The following PRKAG2 variants were observed in gnomAD, a reference collection of about 807,000 sequenced individuals.
PRKAG2 encodes protein kinase AMP-activated non-catalytic subunit gamma 2, also known as 5'-AMP-activated protein kinase subunit gamma-2.
PRKAG2 carries 26 observed loss-of-function variants against 69.6 expected under a neutral mutation model. The observed-to-expected ratio is 0.37, with a 90% confidence interval of 0.27 to 0.52. The LOEUF (loss-of-function observed/expected upper bound fraction) is 0.52. Among genes scored for constraint, PRKAG2 ranks in the 20% least tolerant of loss-of-function variants. PRKAG2 has a pLI of 0.90. For synonymous variants in PRKAG2, 293 were observed against 285.0 expected (o/e 1.03, Z -0.28); for missense variants, 557 against 740.0 (o/e 0.75, Z 2.87).
chr7:151,830,381 C>T (rs192002640), intron 1 of PRKAG2, among the ~76,000 whole-genome samples: 12 of 152,000 alleles, frequency 7.9e-5, no homozygotes, highest in East Asian at 5.8e-4. Flanking sequence ...CTCTCCAGGG[C>T]GCCCTGAGAT....
intron 1 of PRKAG2, among the ~76,000 whole-genome samples, chr7:151,852,581 G>A (rs2079598234): frequency 6.6e-6 from 1 of 151,956 alleles, no homozygotes; most frequent in South Asian, 2.1e-4. Flanking sequence ...ACCTGTAGGG[G>A]GGCATGTGGT....
Position 151,681,245 on chromosome 7 carries a change from T to A in PRKAG2, c.467-5608A>T, listed in dbSNP as rs149873500. Among the ~76,000 whole-genome samples, 470 of 152,228 alleles carry A rather than the reference T, an allele frequency of 3.1e-3. 2 individuals carry two copies. The highest frequency in any genetic ancestry group is 0.01 in the African/African-American group (430 of 41,528). Reference sequence around the variant, plus strand: ...AGAAGGTGGACTGTTCATTTGGGGGTGGGAACACCTCATTTCTGGTGGGGC... The same window carrying A: ...AGAAGGTGGACTGTTCATTTGGGGGAGGGAACACCTCATTTCTGGTGGGGC... On this transcript the variant is annotated intron_variant, in intron 3 of 15. Transcript: ENST00000287878.
intron 3 of PRKAG2, chr7:151,736,345 T>C: frequency 9.1e-7 from 1 of 1,095,654 alleles, no homozygotes; most frequent in Non-Finnish European, 1.1e-6. Flanking sequence ...GATTTGTTGA[T>C]GTAGTTAAGG....
intron 3 of PRKAG2, among the ~76,000 whole-genome samples, chr7:151,689,213 C>A (rs1177049026): frequency 6.6e-6 from 1 of 152,230 alleles, no homozygotes; most frequent in African/African-American, 2.4e-5. Flanking sequence ...TAGCTCACTG[C>A]TCATGAACAG....
At chr7:151,592,341 A>C (rs1357442002) in intron 6 of PRKAG2, among the ~76,000 whole-genome samples, 1 of 152,232 alleles carries the variant, frequency 6.6e-6, no homozygotes, top group African/African-American at 2.4e-5. Context: ...TGAGATGGCC[A>C]GGACATATCT....
chr7:151,830,451 G>A (rs1750069154), intron 1 of PRKAG2, among the ~76,000 whole-genome samples: 1 of 151,968 alleles, frequency 6.6e-6, no homozygotes, highest in Admixed American at 6.6e-5. Context: ...CCCGGGGTCT[G>A]AGCAGGCTGC....
In PRKAG2 at chr7:151,719,894, C is replaced by T. The variant is rs562528517; in HGVS notation, c.467-44257G>A. Among the ~76,000 whole-genome samples, 1 of 152,292 alleles carries T rather than the reference C, an allele frequency of 6.6e-6. No homozygotes were observed. Among genetic ancestry groups the T allele is most frequent in the East Asian group, 1.9e-4 (1 of 5,182 alleles). On this transcript the variant is annotated intron_variant, in intron 3 of 15. Transcript: ENST00000287878. The surrounding 1 kb of genome is among the most constrained non-coding windows in gnomAD (Gnocchi z 5.2). The stretch of plus-strand genomic sequence containing the variant: ...AGGTAGTTCTGTTATTTCACTGAGG[C>T]CGCCACATTCAATCTGCACCTTCCC...
chr7:151,831,210 T>C (rs2079019351), intron 1 of PRKAG2, among the ~76,000 whole-genome samples: 1 of 152,162 alleles, frequency 6.6e-6, no homozygotes, highest in Admixed American at 6.5e-5. Context: ...AAAGTCACAA[T>C]ATGACCCAGC....
intron 3 of PRKAG2, among the ~76,000 whole-genome samples, chr7:151,759,213 G>A (rs1345453038): frequency 6.6e-6 from 1 of 152,120 alleles, no homozygotes; most frequent in African/African-American, 2.4e-5. Flanking sequence ...TTTGCATCGT[G>A]GGCCCCTCCG....
At chr7:151,570,130 A>G in intron 10 of PRKAG2, 41 bp downstream of exon 10, 1 of 1,578,874 alleles carries the variant, frequency 6.3e-7, no homozygotes, top group East Asian at 2.3e-5. Context: ...AAACACATAC[A>G]TCTGAATGAA....
intron 6 of PRKAG2, among the ~76,000 whole-genome samples, chr7:151,591,876 C>T (rs1165693791): frequency 1.3e-5 from 2 of 152,122 alleles, no homozygotes; most frequent in Non-Finnish European, 2.9e-5. Flanking sequence ...ATGACTCTCC[C>T]GCTGGGAAAC....
Position 151,609,304 on chromosome 7 carries a change from TTA to T in PRKAG2, c.755-13852_755-13851del, listed in dbSNP as rs200695677. Among the ~76,000 whole-genome samples, 744 of 150,672 alleles carry T rather than the reference TTA, an allele frequency of 4.9e-3. 3 individuals carry two copies. Among genetic ancestry groups the T allele is most frequent in the African/African-American group, 0.018 (708 of 40,406 alleles). On this transcript the variant is annotated intron_variant, in intron 5 of 15. Coordinates refer to ENST00000287878, the MANE Select transcript of PRKAG2 (RefSeq NM_016203.4). ...CACAGAATTTTAATTTAGAAAGAAT[TTA>T]TATAAAAAAAATGTGTTGTAAGACG... is the stretch of plus-strand genomic sequence containing the variant.
At chr7:151,776,396 G>C (rs1043201394) in intron 3 of PRKAG2, among the ~76,000 whole-genome samples, 12 of 147,312 alleles carry the variant, frequency 8.1e-5, no homozygotes, top group Admixed American at 7.0e-4. Flanking sequence ...AGCCAGAAGA[G>C]TGAACCTGGG....
intron 1 of PRKAG2, among the ~76,000 whole-genome samples, chr7:151,818,205 A>C (rs1311139466): frequency 6.6e-6 from 1 of 152,232 alleles, no homozygotes; most frequent in East Asian, 1.9e-4. Context: ...TGTGACAGGA[A>C]AATCTCAAAT....
At chr7:151,692,084 A>G (rs562103924) in intron 3 of PRKAG2, among the ~76,000 whole-genome samples, 1 of 152,244 alleles carries the variant, frequency 6.6e-6, no homozygotes, top group East Asian at 1.9e-4. Context: ...GCTGCTTGGG[A>G]GGCTGAGGTG....
chr7:151,812,577 C>T (rs964527856), intron 1 of PRKAG2, among the ~76,000 whole-genome samples: 1 of 152,196 alleles, frequency 6.6e-6, no homozygotes, highest in African/African-American at 2.4e-5. Flanking sequence ...ATGCCTGGGA[C>T]ACAGGACTCA....
chr7:151,686,725 T>C (rs891734831), intron 3 of PRKAG2, among the ~76,000 whole-genome samples: 16 of 152,208 alleles, frequency 1.1e-4, no homozygotes, highest in Non-Finnish European at 2.4e-4. Context: ...GGCCCCTTTA[T>C]AGCTGAATGG....
intron 4 of PRKAG2, among the ~76,000 whole-genome samples, chr7:151,663,415 C>T (rs1225595186): frequency 2.0e-5 from 3 of 152,198 alleles, no homozygotes; most frequent in Non-Finnish European, 2.9e-5. Flanking sequence ...TCAGTCCTCT[C>T]GCCCAGGCAA....
rs879468229 is a variant in PRKAG2 at position 151,614,352 on chromosome 7, G to A, written c.754+17717C>T. Reference sequence around the variant, plus strand: ...AGGGTGGCAGGGAGGCCATGGGGTCGGTTACGTTGGGCGCTTGGCATGTGC... The same window carrying A: ...AGGGTGGCAGGGAGGCCATGGGGTCAGTTACGTTGGGCGCTTGGCATGTGC... On this transcript the variant is annotated intron_variant, in intron 5 of 15. Transcript: ENST00000287878. The surrounding 1 kb of genome is among the most constrained non-coding windows in gnomAD (Gnocchi z 4.4). Among the ~76,000 whole-genome samples the A allele has an allele frequency of 1.2e-4, 18 of 152,100 alleles. No individual in the cohort carries two copies. Among genetic ancestry groups the A allele is most frequent in the East Asian group, 3.9e-4 (2 of 5,172 alleles).
Sources: allele counts gnomAD v4.1 joint callset (sites outside exome capture counted in the v4.1 genomes callset), GRCh38; gene constraint gnomAD v4.1.1; non-coding constraint Gnocchi (gnomAD v3.1); transcripts MANE v1.5; gene names NCBI Gene and HGNC (gene_info 2026-07-23, HGNC 2026-07-21).